The following RANBP17 variants were observed in gnomAD, a reference collection of about 807,000 sequenced individuals.
RANBP17 encodes the protein RAN binding protein 17.
In RANBP17, 158 loss-of-function variants were observed where a neutral mutation model predicts 141.2. The observed-to-expected ratio is 1.12, with a 90% CI of 0.98 to 1.28. The LOEUF is 1.28. Ranked by LOEUF, RANBP17 falls within the 50% of genes most tolerant of loss-of-function variation. The pLI, the probability that RANBP17 is intolerant of heterozygous loss-of-function variation, is 0.00. For synonymous variants in RANBP17, 430 were observed against 450.0 expected (o/e 0.96, Z 0.56); for missense variants, 1,438 against 1,290.7 (o/e 1.11, Z -1.75).
chr5:170,945,164 T>G (rs778538269), intron 12 of RANBP17, among the ~76,000 whole-genome samples: 19 of 152,186 alleles, frequency 1.2e-4, no homozygotes, highest in Admixed American at 7.2e-4. Flanking sequence ...GGAGGGTGTT[T>G]GTTTTACTAA....
intron 1 of RANBP17, among the ~76,000 whole-genome samples, chr5:170,863,296 G>C (rs892506824): frequency 3.8e-4 from 58 of 152,292 alleles, no homozygotes; most frequent in African/African-American, 1.3e-3. Flanking sequence ...GGTGGCAGGA[G>C]ATGACCCCAG....
At chr5:171,170,244 GT>G in intron 15 of RANBP17, 41 bp downstream of exon 15, 1 of 1,092,252 alleles carries the variant, frequency 9.2e-7, no homozygotes. Context: ...TTTTGTTGTT[GT>G]TTTAAATGTA....
intron 14 of RANBP17, among the ~76,000 whole-genome samples, chr5:171,073,845 T>C (rs1342829178): frequency 6.6e-6 from 1 of 151,990 alleles, no homozygotes; most frequent in African/African-American, 2.4e-5. Flanking sequence ...ACTTTTTTTT[T>C]TTTTTTAAAG....
intron 22 of RANBP17, among the ~76,000 whole-genome samples, chr5:171,232,789 T>C (rs1244633850): frequency 1.3e-5 from 2 of 152,186 alleles, no homozygotes; most frequent in African/African-American, 4.8e-5. Flanking sequence ...TTGTTCTATG[T>C]TAACATATAT....
chr5:171,224,172 T>C (rs1763750980), intron 22 of RANBP17, among the ~76,000 whole-genome samples: 1 of 152,224 alleles, frequency 6.6e-6, no homozygotes, highest in Non-Finnish European at 1.5e-5. Context: ...TGTTTCCTGT[T>C]TGGACCACAC....
intron 5 of RANBP17, among the ~76,000 whole-genome samples, chr5:170,898,362 A>C (rs1554130684): frequency 6.6e-6 from 1 of 151,360 alleles, no homozygotes; most frequent in Admixed American, 6.6e-5. Flanking sequence ...TCCTTTGCCC[A>C]CTTTGTGATG....
intron 14 of RANBP17, among the ~76,000 whole-genome samples, chr5:171,096,876 A>C (rs551642002): frequency 5.6e-4 from 85 of 152,262 alleles, no homozygotes; most frequent in African/African-American, 1.8e-3. Context: ...GGATGTTTCT[A>C]AGATCTTAGA....
chr5:170,934,261 G>T (rs1455249509), intron 12 of RANBP17, among the ~76,000 whole-genome samples: 2 of 152,080 alleles, frequency 1.3e-5, no homozygotes, highest in African/African-American at 4.8e-5. Flanking sequence ...TTTTCCATTT[G>T]CTTGGTAGAT....
At chr5:171,006,066 G>T (rs1779579733) in intron 14 of RANBP17, among the ~76,000 whole-genome samples, 1 of 152,074 alleles carries the variant, frequency 6.6e-6, no homozygotes, top group Non-Finnish European at 1.5e-5. Context: ...ACACCAGTTA[G>T]AATGGCAATC....
At chr5:171,157,536 G>C (rs1244935135) in intron 14 of RANBP17, among the ~76,000 whole-genome samples, 1 of 152,086 alleles carries the variant, frequency 6.6e-6, no homozygotes, top group East Asian at 1.9e-4. Flanking sequence ...TCTTAAAAAG[G>C]GCTTTAAAAT....
intron 24 of RANBP17, among the ~76,000 whole-genome samples, chr5:171,245,562 C>T (rs1028066856): frequency 6.6e-6 from 1 of 152,156 alleles, no homozygotes; most frequent in Non-Finnish European, 1.5e-5. Context: ...GATCCTCTTG[C>T]CTCAGCCTCC....
intron 14 of RANBP17, among the ~76,000 whole-genome samples, chr5:170,969,825 A>C (rs1237626051): frequency 1.3e-5 from 2 of 152,088 alleles, no homozygotes; most frequent in African/African-American, 2.4e-5. Flanking sequence ...AAAAGTAAAC[A>C]CATCACCAGA....
chr5:171,284,971 A>G (rs1477605129), intron 25 of RANBP17, among the ~76,000 whole-genome samples: 1 of 152,064 alleles, frequency 6.6e-6, no homozygotes, highest in Non-Finnish European at 1.5e-5. Context: ...TCAGCATGGC[A>G]TAAAAGCCCT....
At chr5:171,107,766 C>T (rs79533796) in intron 14 of RANBP17, among the ~76,000 whole-genome samples, 2,003 of 152,222 alleles carry the variant, frequency 0.013, 45 homozygotes, top group African/African-American at 0.046. Context: ...GGTTATCAGA[C>T]GCTTTCTTTG....
Position 170,918,797 on chromosome 5 carries a change from A to G in RANBP17, c.1039A>G (p.Met347Val). Reference protein sequence around the residue: ...KTNYQLGELVMVKEYPEVIRL... With the variant: ...KTNYQLGELVVVKEYPEVIRL... ...AAATTATCAGCTGGGAGAATTAGTT[A>G]TGGTGAAGGAATATCCTGAAGTTAT... The change falls in exon 10 of 28, where the codon ATG (methionine) becomes GTG (valine). Residue 347 changes from methionine to valine, a missense_variant. Transcript: ENST00000523189. 1.2e-6 allele frequency: 2 copies of G among 1,606,186 alleles called. No homozygotes were observed. Among genetic ancestry groups the G allele is most frequent in the Non-Finnish European group, 1.7e-6 (2 of 1,174,772 alleles).
chr5:171,018,986 A>G (rs549685101), intron 14 of RANBP17, among the ~76,000 whole-genome samples: 32 of 152,280 alleles, frequency 2.1e-4, no homozygotes, highest in Middle Eastern at 6.8e-3. Flanking sequence ...AATTTTATCA[A>G]AGTTCTTTTC....
chr5:171,059,572 T>C (rs2127668647), intron 14 of RANBP17, among the ~76,000 whole-genome samples: 1 of 152,280 alleles, frequency 6.6e-6, no homozygotes. Context: ...TGTAGCCTTG[T>C]AGTGTAGTTT....
chr5:170,964,218 T>G (rs1397842496), intron 13 of RANBP17, among the ~76,000 whole-genome samples: 1 of 152,158 alleles, frequency 6.6e-6, no homozygotes, highest in East Asian at 1.9e-4. Context: ...AGTGAGTAGC[T>G]TGACTTTTTG....
At position 170,877,038 on chromosome 5, in the gene RANBP17, T is replaced by G. The variant is rs190080753; in HGVS notation, c.19-1059T>G. On this transcript the variant is annotated intron_variant, in intron 1 of 27. Coordinates refer to ENST00000523189, the MANE Select transcript of RANBP17 (RefSeq NM_022897.5). ...GAGTGCTGAACTCATTTTTTAATTC[T>G]TTTTTTAGATGGTTTCCATGTGTCC... Among the ~76,000 whole-genome samples the G allele has an allele frequency of 5.9e-5, 9 of 152,228 alleles. 1 individual carries two copies. In the East Asian group the frequency reaches 1.5e-3, roughly 26 times the overall value.
Sources: allele counts gnomAD v4.1 joint callset (sites outside exome capture counted in the v4.1 genomes callset), GRCh38; gene constraint gnomAD v4.1.1; transcripts MANE v1.5; gene names NCBI Gene and HGNC (gene_info 2026-07-23, HGNC 2026-07-21).